Variants in WDR70 observed in about 807,000 individuals in gnomAD.
WDR70 encodes WD repeat-containing protein 70.
A neutral mutation model predicts 88.6 loss-of-function variants in WDR70; 53 were observed. That is an observed-to-expected ratio of 0.60 (90% CI 0.48 to 0.75). WDR70 has a LOEUF of 0.75. Among genes scored for constraint, WDR70 ranks in the 30% least tolerant of loss-of-function variants. The pLI is 0.00. For missense variants in WDR70, 610 were observed against 823.2 expected (o/e 0.74, Z 3.17); for synonymous variants, 280 against 270.0 (o/e 1.04, Z -0.36).
intron 7 of WDR70, among the ~76,000 whole-genome samples, chr5:37,447,316 A>G (rs1581286919): frequency 6.6e-6 from 1 of 152,214 alleles, no homozygotes; most frequent in Non-Finnish European, 1.5e-5. Context: ...GTAGAGAAAT[A>G]GGAACACTTG....
intron 8 of WDR70, among the ~76,000 whole-genome samples, chr5:37,483,538 C>A (rs547956398): frequency 7.2e-5 from 11 of 152,356 alleles, no homozygotes; most frequent in African/African-American, 2.4e-4. Context: ...ATTTCTCTAT[C>A]TTTCCCCCAC....
chr5:37,585,495 G>T (rs1743340817), intron 9 of WDR70, among the ~76,000 whole-genome samples: 1 of 152,164 alleles, frequency 6.6e-6, no homozygotes, highest in African/African-American at 2.4e-5. Context: ...GTGCCCTCTT[G>T]AGAAGAGTAG....
chr5:37,668,580 T>C (rs1277414123), intron 10 of WDR70, among the ~76,000 whole-genome samples: 1 of 152,098 alleles, frequency 6.6e-6, no homozygotes, highest in African/African-American at 2.4e-5. Context: ...CCATAAGGGG[T>C]TTGTTTTATA....
chr5:37,406,550 C>G (rs1321501562), intron 5 of WDR70, among the ~76,000 whole-genome samples: 1 of 152,126 alleles, frequency 6.6e-6, no homozygotes. Flanking sequence ...CTTTCCCCCT[C>G]TATAAAATGG....
intron 7 of WDR70, among the ~76,000 whole-genome samples, chr5:37,475,518 G>A (rs13184071): frequency 0.86 from 130,164 of 152,218 alleles, 59,266 homozygotes; most frequent in East Asian, 1. Flanking sequence ...AATTATGGGC[G>A]TGAGCCACCA....
At chr5:37,551,076 G>T (rs56145766) in intron 9 of WDR70, among the ~76,000 whole-genome samples, 2 of 151,822 alleles carry the variant, frequency 1.3e-5, no homozygotes, top group Non-Finnish European at 1.5e-5. Flanking sequence ...AGGCGAGGCA[G>T]GTGGATCACC....
chr5:37,527,229 A>G (rs1458341133), intron 9 of WDR70, among the ~76,000 whole-genome samples: 1 of 152,188 alleles, frequency 6.6e-6, no homozygotes, highest in Non-Finnish European at 1.5e-5. Flanking sequence ...CTGACTTCAA[A>G]CTATACTACA....
chr5:37,600,095 G>A (rs561491922), intron 9 of WDR70, among the ~76,000 whole-genome samples: 23 of 152,142 alleles, frequency 1.5e-4, no homozygotes, highest in Admixed American at 7.9e-4. Flanking sequence ...AGATAAGTTG[G>A]ACTTCATCAA....
chr5:37,709,901 G>A (rs1327311878), intron 13 of WDR70, among the ~76,000 whole-genome samples: 2 of 152,066 alleles, frequency 1.3e-5, no homozygotes, highest in African/African-American at 4.8e-5. Flanking sequence ...TAATTTAAAT[G>A]GGAATTTGAA....
intron 5 of WDR70, among the ~76,000 whole-genome samples, chr5:37,398,717 C>T (rs938318580): frequency 6.6e-6 from 1 of 152,114 alleles, no homozygotes; most frequent in African/African-American, 2.4e-5. Context: ...AGAAAACAAA[C>T]AAGAATAAAA....
At chr5:37,415,411 C>T in intron 5 of WDR70, among the ~76,000 whole-genome samples, 1 of 99,994 alleles carries the variant, frequency 1.0e-5, no homozygotes, top group Non-Finnish European at 2.6e-5. Context: ...GGGCGGGGGG[C>T]TGACCCCCCC....
At chr5:37,727,069 A>T in intron 17 of WDR70, 24 bp downstream of exon 17, 1 of 1,593,314 alleles carries the variant, frequency 6.3e-7, no homozygotes, top group Non-Finnish European at 8.5e-7. Flanking sequence ...TTTTTAAAAC[A>T]GGAAAATTGT....
intron 8 of WDR70, among the ~76,000 whole-genome samples, chr5:37,495,103 G>A (rs370306457): frequency 6.6e-6 from 1 of 152,214 alleles, no homozygotes; most frequent in Admixed American, 6.5e-5. Context: ...GAAAAAATGT[G>A]TGCAGATTCC....
intron 5 of WDR70, among the ~76,000 whole-genome samples, chr5:37,417,300 C>A (rs1232918806): frequency 6.6e-6 from 1 of 152,048 alleles, no homozygotes; most frequent in African/African-American, 2.4e-5. Flanking sequence ...CACTACTCAG[C>A]TGCAGCTTTG....
intron 10 of WDR70, among the ~76,000 whole-genome samples, chr5:37,607,489 C>T (rs773448370): frequency 3.8e-4 from 58 of 152,240 alleles, no homozygotes; most frequent in Non-Finnish European, 6.3e-4. Context: ...CAAAACATAT[C>T]TTTTTAGAAG....
intron 10 of WDR70, among the ~76,000 whole-genome samples, chr5:37,622,407 A>G (rs1412632088): frequency 6.6e-6 from 1 of 151,798 alleles, no homozygotes. Context: ...TACCCAAAGG[A>G]TTATAAATCA....
chr5:37,693,168 C>T (rs1746863112), intron 10 of WDR70, among the ~76,000 whole-genome samples: 1 of 152,106 alleles, frequency 6.6e-6, no homozygotes, highest in Admixed American at 6.5e-5. Context: ...ATGTGAATGA[C>T]CTGTTCAAGG....
chr5:37,522,295 C>T (rs1741119058), intron 9 of WDR70, among the ~76,000 whole-genome samples: 1 of 151,536 alleles, frequency 6.6e-6, no homozygotes, highest in African/African-American at 2.4e-5. Context: ...CACAGTGAAA[C>T]CCTGTCTCTA....
At chr5:37,405,745 T>C (rs1749332499) in intron 5 of WDR70, among the ~76,000 whole-genome samples, 1 of 152,116 alleles carries the variant, frequency 6.6e-6, no homozygotes. Context: ...TTTTACCTCA[T>C]CTCAAAAAGG....
Sources: allele counts gnomAD v4.1 joint callset (sites outside exome capture counted in the v4.1 genomes callset), GRCh38; gene constraint gnomAD v4.1.1; transcripts MANE v1.5; gene names NCBI Gene and HGNC (gene_info 2026-07-23, HGNC 2026-07-21).